HCN1: variants seen among roughly 807,000 people sequenced by gnomAD.
HCN1 encodes potassium/sodium hyperpolarization-activated cyclic nucleotide-gated channel 1.
HCN1 carries 13 observed loss-of-function variants against 78.9 expected under a neutral mutation model. That is an observed-to-expected ratio of 0.16 (90% CI 0.11 to 0.26). HCN1 has a LOEUF of 0.26. HCN1 is among the 10% of genes least tolerant of loss of function. The pLI is 1.00. For missense variants in HCN1, 810 were observed against 1,154.3 expected, an observed-to-expected ratio of 0.70 and a Z score of 4.32; for synonymous variants, 552 against 455.5, an observed-to-expected ratio of 1.21 and a Z score of -2.70.
At chr5:45,367,019 T>C (rs1012592583) in intron 4 of HCN1, among the ~76,000 whole-genome samples, 1 of 151,772 alleles carries the variant, frequency 6.6e-6, no homozygotes, top group Non-Finnish European at 1.5e-5. Context: ...TAAATCAATT[T>C]GAATTTTTGT....
intron 4 of HCN1, among the ~76,000 whole-genome samples, chr5:45,392,542 G>A (rs1370593759): frequency 1.3e-5 from 2 of 151,948 alleles, no homozygotes; most frequent in South Asian, 4.2e-4. Context: ...GCCACTAATA[G>A]TTATCATATA....
At chr5:45,676,792 A>G (rs1746274730) in intron 1 of HCN1, among the ~76,000 whole-genome samples, 1 of 151,814 alleles carries the variant, frequency 6.6e-6, no homozygotes, top group African/African-American at 2.4e-5. Context: ...AAATACAATC[A>G]TAACAGAGGA....
chr5:45,334,025 A>G (rs886225517), intron 5 of HCN1, among the ~76,000 whole-genome samples: 1 of 151,760 alleles, frequency 6.6e-6, no homozygotes, highest in Non-Finnish European at 1.5e-5. Flanking sequence ...AATTATCTTC[A>G]TAATTTTAGT....
At chr5:45,520,701 C>G (rs1260716147) in intron 2 of HCN1, among the ~76,000 whole-genome samples, 1 of 151,950 alleles carries the variant, frequency 6.6e-6, no homozygotes, top group African/African-American at 2.4e-5. Flanking sequence ...AAACATTCAT[C>G]TATGCATTCA....
At chr5:45,610,150 T>G (rs1744805414) in intron 2 of HCN1, among the ~76,000 whole-genome samples, 1 of 152,160 alleles carries the variant, frequency 6.6e-6, no homozygotes, top group Non-Finnish European at 1.5e-5. Flanking sequence ...AGGTGTGATT[T>G]TTATATATAA....
intron 6 of HCN1, among the ~76,000 whole-genome samples, chr5:45,271,246 T>A (rs185106974): frequency 6.6e-6 from 1 of 151,994 alleles, no homozygotes. Flanking sequence ...CCTTTTGTAG[T>A]TTGTGGGATC....
At chr5:45,428,760 G>A (rs1740402797) in intron 3 of HCN1, among the ~76,000 whole-genome samples, 1 of 151,890 alleles carries the variant, frequency 6.6e-6, no homozygotes, top group Admixed American at 6.6e-5. Context: ...TAGAAAGGCT[G>A]GAATGAGTAA....
At chr5:45,352,454 G>A (rs1746927797) in intron 5 of HCN1, among the ~76,000 whole-genome samples, 1 of 151,914 alleles carries the variant, frequency 6.6e-6, no homozygotes, top group Non-Finnish European at 1.5e-5. Flanking sequence ...CAGCACACCA[G>A]CATCGCACAT....
At chr5:45,412,711 A>G (rs2112057702) in intron 3 of HCN1, among the ~76,000 whole-genome samples, 1 of 151,818 alleles carries the variant, frequency 6.6e-6, no homozygotes, top group South Asian at 2.1e-4. Flanking sequence ...CATGGCCTGG[A>G]GGTTGTATAG....
At chr5:45,464,486 T>C (rs927156592) in intron 2 of HCN1, among the ~76,000 whole-genome samples, 13 of 152,114 alleles carry the variant, frequency 8.5e-5, no homozygotes, top group Non-Finnish European at 1.5e-4. Flanking sequence ...CTTATGGACA[T>C]TAATATTATG....
chr5:45,421,223 C>T (rs1289053354), intron 3 of HCN1, among the ~76,000 whole-genome samples: 2 of 152,024 alleles, frequency 1.3e-5, no homozygotes, highest in African/African-American at 2.4e-5. Context: ...CCACCAAGCC[C>T]GTCTAATTTT....
At chr5:45,453,911 C>A (rs1349286082) in intron 3 of HCN1, among the ~76,000 whole-genome samples, 1 of 151,796 alleles carries the variant, frequency 6.6e-6, no homozygotes, top group African/African-American at 2.4e-5. Context: ...ACTTTTTTTT[C>A]TTCAACTTTA....
At chr5:45,292,378 A>G (rs1040150903) in intron 6 of HCN1, among the ~76,000 whole-genome samples, 13 of 152,048 alleles carry the variant, frequency 8.5e-5, no homozygotes, top group African/African-American at 3.1e-4. Context: ...CAACTGCTAT[A>G]TATTGACAGT....
At chr5:45,445,460 C>T (rs1008345656) in intron 3 of HCN1, among the ~76,000 whole-genome samples, 7 of 152,188 alleles carry the variant, frequency 4.6e-5, no homozygotes, top group Admixed American at 2.6e-4. Flanking sequence ...GGGGGCAGGG[C>T]ACAGACAAAC....
intron 2 of HCN1, among the ~76,000 whole-genome samples, chr5:45,469,550 A>T (rs1741345151): frequency 6.6e-6 from 1 of 151,924 alleles, no homozygotes. Context: ...CATTTTAATG[A>T]TGTTTGTCTG....
At chr5:45,454,762 G>A (rs1411746316) in intron 3 of HCN1, among the ~76,000 whole-genome samples, 7 of 151,910 alleles carry the variant, frequency 4.6e-5, no homozygotes, top group African/African-American at 1.7e-4. Flanking sequence ...TTTTAATTTT[G>A]CCCTTAAATA....
At chr5:45,626,128 CATT>C (rs1745159256) in intron 2 of HCN1, among the ~76,000 whole-genome samples, 1 of 152,138 alleles carries the variant, frequency 6.6e-6, no homozygotes, top group South Asian at 2.1e-4. Context: ...TGACAAAGCT[CATT>C]AGAAGCAGAA....
chr5:45,339,537 T>C (rs541905250), intron 5 of HCN1, among the ~76,000 whole-genome samples: 2 of 152,290 alleles, frequency 1.3e-5, no homozygotes, highest in Non-Finnish European at 2.9e-5. Context: ...CTCTGTGTCA[T>C]ATGAAGGAGT....
chr5:45,282,845 A>T (rs1195358831), intron 6 of HCN1, among the ~76,000 whole-genome samples: 1 of 152,194 alleles, frequency 6.6e-6, no homozygotes. Context: ...CCTATTCTTA[A>T]GGTCCTCTAC....
Sources: allele counts gnomAD v4.1 joint callset (sites outside exome capture counted in the v4.1 genomes callset), GRCh38; gene constraint gnomAD v4.1.1; transcripts MANE v1.5; gene names NCBI Gene and HGNC (gene_info 2026-07-23, HGNC 2026-07-21).